NPIPB8: variants seen among roughly 807,000 people sequenced by gnomAD.
NPIPB8 encodes the protein nuclear pore complex interacting protein family member B8.
Under a neutral mutation model 5.3 loss-of-function variants are expected in NPIPB8, and 3 were observed. The ratio of observed to expected loss-of-function variants is 0.57; its 90% CI spans 0.26 to 1.47. The LOEUF (loss-of-function observed/expected upper bound fraction) is 1.47, where lower values mean the gene tolerates loss of function less well. Ranked by LOEUF, NPIPB8 falls within the 40% of genes most tolerant of loss-of-function variation. NPIPB8 has a pLI of 0.13. For synonymous variants in NPIPB8, 18 were observed against 23.0 expected, an observed-to-expected ratio of 0.78 and a Z score of 0.62; for missense variants, 50 against 50.2, an observed-to-expected ratio of 1.00 and a Z score of 0.01.
chr16:28,639,607 C>T (rs1353180518), intron 2 of NPIPB8, among the ~76,000 whole-genome samples: 1,542 of 128,052 alleles, frequency 0.012, 43 homozygotes, highest in African/African-American at 0.044. Flanking sequence ...AGGTGTGCAC[C>T]ATCATGCCCA....
At chr16:28,644,155 G>A (rs1596679987) in intron 2 of NPIPB8, among the ~76,000 whole-genome samples, 1 of 61,418 alleles carries the variant, frequency 1.6e-5, no homozygotes, top group Non-Finnish European at 2.9e-5. Context: ...GTTTGCTAAG[G>A]GAGGGCCCAG....
In NPIPB8 at chr16:28,642,383, T is replaced by C. The variant is rs2411432; in HGVS notation, c.120+3903T>C. On this transcript the variant is annotated intron_variant, in intron 2 of 7. Transcript: ENST00000683297. ...CCTCCCAGAGTGCTGGGATTACAGGTGTGAGCCACCATGCCCAGCCAAATC... is the reference window on the plus strand; with the variant it reads ...CCTCCCAGAGTGCTGGGATTACAGGCGTGAGCCACCATGCCCAGCCAAATC... Among the ~76,000 whole-genome samples, 19 of 148,470 alleles carry C rather than the reference T, an allele frequency of 1.3e-4. 1 individual carries two copies. The highest frequency in any genetic ancestry group is 2.0e-4 in the African/African-American group (8 of 40,352).
intron 2 of NPIPB8, among the ~76,000 whole-genome samples, chr16:28,645,371 C>T (rs2047985554): frequency 1.4e-5 from 1 of 70,420 alleles, no homozygotes; most frequent in African/African-American, 5.2e-5. Flanking sequence ...TTGGAAAGTA[C>T]TTACACCAGC....
chr16:28,642,898 C>G (rs928198103), intron 2 of NPIPB8, among the ~76,000 whole-genome samples: 3 of 152,168 alleles, frequency 2.0e-5, no homozygotes, highest in African/African-American at 7.2e-5. Context: ...AACCTTATGT[C>G]ATAGTAAATG....
rs1241912180 is a variant in NPIPB8 at position 28,645,039 on chromosome 16, C to CTT, written c.121-3074_121-3073dup. 5.4e-3 allele frequency among the ~76,000 whole-genome samples: 357 copies of CTT among 66,298 alleles called. 26 individuals carry two copies. The highest frequency in any genetic ancestry group is 9.4e-3 in the Non-Finnish European group (318 of 33,756). The allele number at this position is 66,298 out of a possible 152,430, so 43.5% of individuals were successfully genotyped here. On this transcript the variant is annotated intron_variant, in intron 2 of 7. Coordinates refer to ENST00000683297, the MANE Select transcript of NPIPB8 (RefSeq NM_001310136.2). ...TGATTTGTGTCATCTGGTTTGATGA[C>CTT]TTTTTTTTTTTTTTTTTTTTTTTAG...
chr16:28,645,114 G>A (rs1850098612), intron 2 of NPIPB8, among the ~76,000 whole-genome samples: 1 of 131,300 alleles, frequency 7.6e-6, no homozygotes, highest in Non-Finnish European at 1.7e-5. Context: ...CAAGATCTCG[G>A]CTCACTGCAA....
intron 2 of NPIPB8, among the ~76,000 whole-genome samples, chr16:28,639,256 C>G (rs969696053): frequency 6.8e-6 from 1 of 147,746 alleles, no homozygotes; most frequent in South Asian, 2.1e-4. Context: ...ATTTTTTATT[C>G]TCCTTCATTT....
At chr16:28,640,170 G>A (rs909336573) in intron 2 of NPIPB8, among the ~76,000 whole-genome samples, 2 of 151,924 alleles carry the variant, frequency 1.3e-5, no homozygotes, top group African/African-American at 4.9e-5. Flanking sequence ...ATGTTCTGAC[G>A]GCAGGCTAGT....
intron 2 of NPIPB8, among the ~76,000 whole-genome samples, chr16:28,639,688 C>T (rs1262776683): frequency 1.4e-5 from 2 of 145,190 alleles, no homozygotes; most frequent in East Asian, 3.9e-4. Context: ...CTCCTGACCT[C>T]GTGATCTGCC....
intron 5 of NPIPB8, among the ~76,000 whole-genome samples, chr16:28,652,832 C>T (rs1404866047): frequency 2.9e-5 from 4 of 137,818 alleles, no homozygotes; most frequent in African/African-American, 5.8e-5. Context: ...GAACTTCTGA[C>T]CTCAGGTAAT....
chr16:28,642,731 C>G (rs1160542337), intron 2 of NPIPB8, among the ~76,000 whole-genome samples: 1 of 151,628 alleles, frequency 6.6e-6, no homozygotes, highest in Non-Finnish European at 1.5e-5. Context: ...ATCCGCCCAC[C>G]TCGGCCTCCC....
At chr16:28,652,865 G>A (rs1248188115) in intron 5 of NPIPB8, among the ~76,000 whole-genome samples, 3 of 133,794 alleles carry the variant, frequency 2.2e-5, no homozygotes, top group Admixed American at 7.4e-5. Context: ...GCCTCCCAAA[G>A]TGCTGGGATT....
chr16:28,652,895 C>A (rs1260866028), intron 5 of NPIPB8, among the ~76,000 whole-genome samples: 3 of 132,856 alleles, frequency 2.3e-5, no homozygotes, highest in Non-Finnish European at 4.8e-5. Context: ...AGCCACCACA[C>A]CCAGGCTTTT....
At chr16:28,639,945 C>T (rs1283584890) in intron 2 of NPIPB8, among the ~76,000 whole-genome samples, 4 of 150,890 alleles carry the variant, frequency 2.7e-5, no homozygotes, top group Non-Finnish European at 4.4e-5. Context: ...AGCTACATGG[C>T]TAACATTGTG....
chr16:28,645,083 G>T (rs865899956), intron 2 of NPIPB8, among the ~76,000 whole-genome samples: 1 of 118,376 alleles, frequency 8.4e-6, no homozygotes, highest in Non-Finnish European at 1.8e-5. Context: ...TCATTCTGTC[G>T]CCCAGGCTGG....
intron 2 of NPIPB8, among the ~76,000 whole-genome samples, chr16:28,641,945 C>A (rs1401139265): frequency 4.2e-5 from 6 of 142,918 alleles, no homozygotes; most frequent in Non-Finnish European, 9.1e-5. Context: ...CTGCTCACAT[C>A]TTCCTTTCCC....
rs200292020 is a variant in NPIPB8 at position 28,638,238 on chromosome 16, CCCTATGCT to C, written c.-38-83_-38-76del. The C allele has an allele frequency of 6.5e-3, 9,804 of 1,517,726 alleles. 803 individuals are homozygous for C. In the African/African-American group the frequency reaches 0.11, roughly 17 times the overall value. 94.0% of individuals were successfully genotyped at this position (1,517,726 alleles called of 1,614,324 possible). A position where few individuals can be genotyped will look rare whatever the true frequency, so the allele number is the denominator to read the frequency against. ...ACTTGGTTCTGTCCTTTTCTGAAGCCCCTATGCTCTTGACCACTATAGACTCAAACATC... is the reference window on the plus strand; with the variant it reads ...ACTTGGTTCTGTCCTTTTCTGAAGCCCTTGACCACTATAGACTCAAACATC... On this transcript the variant is annotated intron_variant, in intron 1 of 7. Coordinates refer to ENST00000683297, the MANE Select transcript of NPIPB8 (RefSeq NM_001310136.2).
At chr16:28,639,021 A>T (rs150089402) in intron 2 of NPIPB8, among the ~76,000 whole-genome samples, 8,529 of 150,172 alleles carry the variant, frequency 0.057, 444 homozygotes, top group East Asian at 0.2. Flanking sequence ...GTGGGCCAAG[A>T]TCACGCCATT....
At chr16:28,639,506 G>C (rs1377335065) in intron 2 of NPIPB8, among the ~76,000 whole-genome samples, 1 of 132,790 alleles carries the variant, frequency 7.5e-6, no homozygotes, top group Non-Finnish European at 1.6e-5. Context: ...CCCCAGGCTG[G>C]AGTGCAATGG....
Sources: gnomAD v4.1 joint callset for allele counts (sites outside exome capture counted in the v4.1 genomes callset) on GRCh38, gnomAD v4.1.1 for gene constraint, MANE v1.5 for transcripts, NCBI Gene and HGNC (gene_info 2026-07-23, HGNC 2026-07-21) for gene names.